Variants in SLCO6A1 observed in about 807,000 individuals in gnomAD.
The protein encoded by SLCO6A1 is solute carrier organic anion transporter family member 6A1.
SLCO6A1 carries 65 observed loss-of-function variants against 72.7 expected under a neutral mutation model. The ratio of observed to expected loss-of-function variants is 0.89; its 90% CI spans 0.73 to 1.10. The LOEUF (loss-of-function observed/expected upper bound fraction) is 1.10. SLCO6A1 is among the 50% of genes least tolerant of loss of function. The pLI, the probability that SLCO6A1 is intolerant of heterozygous loss-of-function variation, is 0.00. For synonymous variants in SLCO6A1, 314 were observed against 298.2 expected (o/e 1.05, Z -0.55); for missense variants, 874 against 872.6 (o/e 1.00, Z -0.02).
chr5:102,405,835 C>G (rs1347687616), intron 9 of SLCO6A1, among the ~76,000 whole-genome samples: 2 of 151,848 alleles, frequency 1.3e-5, no homozygotes, highest in Non-Finnish European at 2.9e-5. Flanking sequence ...TTATCTATCA[C>G]AAATTTGAAT....
rs1491508485 is a variant in SLCO6A1 at position 102,427,865 on chromosome 5, T to TATATATA, written c.1277-7845_1277-7844insTATATAT. Among the ~76,000 whole-genome samples, 88 of 72,648 alleles carry TATATATA rather than the reference T, an allele frequency of 1.2e-3. 1 individual carries two copies. The highest frequency in any genetic ancestry group is 2.4e-3 in the South Asian group (6 of 2,538). The allele number at this position is 72,648 out of a possible 152,430, so 47.7% of individuals were successfully genotyped here. ...GTATACATATATATATATATATATA[T>TATATATA]TTTTTTTTTTTTTTTTTTTTTTGAG... On this transcript the variant is annotated intron_variant, in intron 7 of 13. Coordinates refer to ENST00000506729, the MANE Select transcript of SLCO6A1 (RefSeq NM_173488.5).
chr5:102,417,383 C>T (rs1748341075), intron 8 of SLCO6A1, among the ~76,000 whole-genome samples: 1 of 151,642 alleles, frequency 6.6e-6, no homozygotes, highest in South Asian at 2.1e-4. Context: ...CCTCTTCTTG[C>T]TTCCCATTTG....
chr5:102,388,202 A>G (rs985576420), intron 12 of SLCO6A1, among the ~76,000 whole-genome samples: 2 of 152,226 alleles, frequency 1.3e-5, no homozygotes, highest in East Asian at 1.9e-4. Flanking sequence ...ATTATTTCCC[A>G]AACTAAAATT....
At position 102,420,557 on chromosome 5, in the gene SLCO6A1, C is replaced by G. The variant is rs77066579; in HGVS notation, c.1277-536G>C. 8.3e-3 allele frequency among the ~76,000 whole-genome samples: 1,260 copies of G among 151,872 alleles called. 12 individuals carry two copies. Among genetic ancestry groups the G allele is most frequent in the Non-Finnish European group, 0.015 (1,012 of 67,936 alleles). On this transcript the variant is annotated intron_variant, in intron 7 of 13. Transcript: ENST00000506729. ...CTATCCAAGAGTAAGGAATTAGAAACAGGTAAGCAAAAGAAAGAGAAAAAG... is the reference window on the plus strand; with the variant it reads ...CTATCCAAGAGTAAGGAATTAGAAAGAGGTAAGCAAAAGAAAGAGAAAAAG...
rs1158609401 is a variant in SLCO6A1, at chr5:102,399,529, A to G, written c.1814+26T>C. 3 of 1,296,074 alleles carry G rather than the reference A, an allele frequency of 2.3e-6. No homozygotes were observed. In the African/African-American group the frequency reaches 4.6e-5, roughly 20 times the overall value. The allele number at this position is 1,296,074 out of a possible 1,614,324, so 80.3% of individuals were successfully genotyped here. On this transcript the variant is annotated intron_variant, in intron 10 of 13. Coordinates refer to ENST00000506729, the MANE Select transcript of SLCO6A1 (RefSeq NM_173488.5). Reference sequence around the variant, plus strand: ...TACTTTTCTTATATATTAAATAAACAATAATAATGAGTAATATATACATAC... The same window carrying G: ...TACTTTTCTTATATATTAAATAAACGATAATAATGAGTAATATATACATAC...
chr5:102,414,045 AAAC>A (rs1345053483), intron 8 of SLCO6A1, among the ~76,000 whole-genome samples: 5 of 152,134 alleles, frequency 3.3e-5, no homozygotes, highest in Non-Finnish European at 7.4e-5. Flanking sequence ...TTCATACCAT[AAAC>A]AAGTTCTTTC....
intron 1 of SLCO6A1, 41 bp downstream of exon 1, chr5:102,498,446 C>T: frequency 6.4e-7 from 1 of 1,571,520 alleles, no homozygotes; most frequent in Non-Finnish European, 8.6e-7. Context: ...AGTGCGGCCC[C>T]AGCTGCCCTC....
chr5:102,400,164 G>T (rs570638953), intron 9 of SLCO6A1, among the ~76,000 whole-genome samples: 1 of 151,794 alleles, frequency 6.6e-6, no homozygotes, highest in Non-Finnish European at 1.5e-5. Flanking sequence ...ATACTAAAAA[G>T]ACTTTATTTT....
intron 7 of SLCO6A1, among the ~76,000 whole-genome samples, chr5:102,431,444 G>A (rs1002675262): frequency 6.6e-6 from 1 of 151,918 alleles, no homozygotes; most frequent in Non-Finnish European, 1.5e-5. Context: ...CAGAGATTCT[G>A]GTGTTTTGTA....
chr5:102,461,857 A>G (rs1751056604), intron 4 of SLCO6A1, among the ~76,000 whole-genome samples: 2 of 152,094 alleles, frequency 1.3e-5, no homozygotes, highest in South Asian at 4.1e-4. Context: ...AGAGCATAAG[A>G]ACTTCTTGTC....
At chr5:102,458,993 G>T (rs987682014) in intron 5 of SLCO6A1, among the ~76,000 whole-genome samples, 12 of 152,032 alleles carry the variant, frequency 7.9e-5, no homozygotes, top group African/African-American at 2.9e-4. Context: ...TTCTAAGGTA[G>T]TCAATACATT....
chr5:102,408,141 A>T (rs944746905), intron 9 of SLCO6A1, among the ~76,000 whole-genome samples: 1 of 152,186 alleles, frequency 6.6e-6, no homozygotes, highest in Non-Finnish European at 1.5e-5. Flanking sequence ...ACCTATAATA[A>T]AGTTTAATTA....
chr5:102,374,553 G>A (rs1170153310), intron 12 of SLCO6A1, among the ~76,000 whole-genome samples: 2 of 152,020 alleles, frequency 1.3e-5, no homozygotes, highest in African/African-American at 4.8e-5. Context: ...GCCTCTCTAA[G>A]TGTAAAATAT....
intron 9 of SLCO6A1, among the ~76,000 whole-genome samples, chr5:102,409,548 T>G (rs10061427): frequency 0.65 from 98,224 of 151,840 alleles, 31,984 homozygotes; most frequent in African/African-American, 0.67. Flanking sequence ...CCATTAATCG[T>G]TTCCATCCAT....
At chr5:102,426,022 G>A (rs1445559167) in intron 7 of SLCO6A1, among the ~76,000 whole-genome samples, 1 of 152,102 alleles carries the variant, frequency 6.6e-6, no homozygotes, top group Non-Finnish European at 1.5e-5. Flanking sequence ...ATGCGGAAAT[G>A]GTTCCCTATT....
chr5:102,462,922 G>A (rs927507871), intron 4 of SLCO6A1, among the ~76,000 whole-genome samples: 1 of 152,088 alleles, frequency 6.6e-6, no homozygotes, highest in Admixed American at 6.6e-5. Context: ...AAATAAAGAT[G>A]AGACCTAATT....
intron 4 of SLCO6A1, among the ~76,000 whole-genome samples, chr5:102,472,784 T>C (rs1400876041): frequency 6.6e-6 from 1 of 151,838 alleles, no homozygotes; most frequent in Non-Finnish European, 1.5e-5. Flanking sequence ...AAATCAGAAA[T>C]GAGCGGAAGA....
Position 102,423,080 on chromosome 5 carries a change from G to A in SLCO6A1, c.1277-3059C>T, listed in dbSNP as rs533156531. ...CTTCACAGACAAGCAAATGTTGAAG[G>A]ATTTTGTCACCACCAGGACTGCCTT... On this transcript the variant is annotated intron_variant, in intron 7 of 13. Coordinates refer to ENST00000506729, the MANE Select transcript of SLCO6A1 (RefSeq NM_173488.5). 4.6e-5 allele frequency among the ~76,000 whole-genome samples: 7 copies of A among 152,236 alleles called. No homozygotes were observed. In the South Asian group the frequency reaches 1.2e-3, roughly 27 times the overall value.
chr5:102,488,160 A>G lies in SLCO6A1; in HGVS notation c.359-7726T>C, dbSNP rs182329742. ...AAACAAAGTAAGGGAAAATTTTATA[A>G]TGATAAAGAGTATAATTCCAATACA... On this transcript the variant is annotated intron_variant, in intron 1 of 13. Coordinates refer to ENST00000506729, the MANE Select transcript of SLCO6A1 (RefSeq NM_173488.5). 2.8e-3 allele frequency among the ~76,000 whole-genome samples: 420 copies of G among 152,320 alleles called. 2 individuals are homozygous for G. Among genetic ancestry groups the G allele is most frequent in the African/African-American group, 9.7e-3 (405 of 41,580 alleles).
Sources: allele counts gnomAD v4.1 joint callset (sites outside exome capture counted in the v4.1 genomes callset), GRCh38; gene constraint gnomAD v4.1.1; transcripts MANE v1.5; gene names NCBI Gene and HGNC (gene_info 2026-07-23, HGNC 2026-07-21).